Variants in AMZ1 observed in about 807,000 individuals in gnomAD.
AMZ1 encodes archaemetzincin-1.
Under a neutral mutation model 29.9 loss-of-function variants are expected in AMZ1, and 39 were observed. That is an observed-to-expected ratio of 1.30 (90% CI 1.01 to 1.70). The LOEUF is 1.70. Among genes scored for constraint, AMZ1 ranks in the 40% most tolerant of loss-of-function variants. AMZ1 has a pLI of 0.00. For missense variants in AMZ1, 1,041 were observed against 680.6 expected (o/e 1.53, Z -5.89); for synonymous variants, 458 against 304.0 (o/e 1.51, Z -5.27).
rs374215896 is a variant in AMZ1, at chr7:2,712,311, C to T, written c.949-19C>T. The stretch of plus-strand genomic sequence containing the variant: ...AGGGCTGGCACGGAGCAAACTCAGC[C>T]TGTGTTTCTCCCTCTTAGAGACTCT... On this transcript the variant is annotated intron_variant, in intron 6 of 6. Transcript: ENST00000683327. The T allele has an allele frequency of 1.6e-5, 25 of 1,537,240 alleles. No individual in the cohort carries two copies. The highest frequency in any genetic ancestry group is 2.7e-5 in the African/African-American group (2 of 72,836).
intron 6 of AMZ1, 144 bp from the exon 7 acceptor site, chr7:2,712,186 A>G: frequency 1.2e-6 from 1 of 836,528 alleles, no homozygotes; most frequent in Non-Finnish European, 1.8e-6. Context: ...GCTGGTCACA[A>G]GAGCCCTCAC....
intron 3 of AMZ1, among the ~76,000 whole-genome samples, chr7:2,703,396 C>G (rs1458477297): frequency 6.6e-6 from 1 of 152,226 alleles, no homozygotes; most frequent in Non-Finnish European, 1.5e-5. Flanking sequence ...CTGCCTCAGC[C>G]TCCCAAAGTG....
intron 4 of AMZ1, among the ~76,000 whole-genome samples, chr7:2,736,989 C>G (rs1250668591): frequency 6.6e-6 from 1 of 152,230 alleles, no homozygotes; most frequent in Non-Finnish European, 1.5e-5. Flanking sequence ...TCCTCTGCTC[C>G]TAATTGGAGC....
At chr7:2,692,456 C>G (rs562702445) in intron 1 of AMZ1, among the ~76,000 whole-genome samples, 1 of 152,104 alleles carries the variant, frequency 6.6e-6, no homozygotes, top group South Asian at 2.1e-4. Flanking sequence ...GCAGGAGAAT[C>G]GCTTTAACCC....
chr7:2,692,416 C>A (rs751429786), intron 1 of AMZ1, among the ~76,000 whole-genome samples: 2 of 152,198 alleles, frequency 1.3e-5, no homozygotes, highest in Non-Finnish European at 2.9e-5. Flanking sequence ...GTGGCGGGCG[C>A]CTTTAGTCCC....
In AMZ1 at chr7:2,694,791, G is replaced by C. The variant is rs962918926; in HGVS notation, c.-218-5443G>C. On this transcript the variant is annotated intron_variant, in intron 1 of 6. Transcript: ENST00000683327. ...GGATTCAAGCGATTCTCCTGCCTCA[G>C]CCTCCCGAGTAGCTGGGATTACAGG... is the stretch of plus-strand genomic sequence containing the variant. Among the ~76,000 whole-genome samples the C allele has an allele frequency of 5.9e-5, 9 of 151,984 alleles. 1 individual carries two copies. The highest frequency in any genetic ancestry group is 1.2e-4 in the Non-Finnish European group (8 of 67,976).
At chr7:2,739,856 G>C (rs1198181025) in intron 4 of AMZ1, among the ~76,000 whole-genome samples, 2 of 152,122 alleles carry the variant, frequency 1.3e-5, no homozygotes, top group African/African-American at 2.4e-5. Context: ...ATTTTTAGTA[G>C]AGACGGGGGT....
chr7:2,693,616 C>T (rs1040943596), intron 1 of AMZ1, among the ~76,000 whole-genome samples: 4 of 152,098 alleles, frequency 2.6e-5, no homozygotes, highest in Non-Finnish European at 4.4e-5. Flanking sequence ...AGTGCAGTGG[C>T]GCGATCTCCG....
intron 4 of AMZ1, among the ~76,000 whole-genome samples, chr7:2,738,054 T>C (rs886281566): frequency 5.3e-5 from 8 of 152,236 alleles, no homozygotes; most frequent in East Asian, 1.9e-4. Context: ...TTCATATACA[T>C]TAGAAAAAGG....
At chr7:2,696,433 A>G (rs1317068778) in intron 1 of AMZ1, among the ~76,000 whole-genome samples, 2 of 150,462 alleles carry the variant, frequency 1.3e-5, no homozygotes, top group East Asian at 2.0e-4. Context: ...ATTTTTTTGT[A>G]TTTTTAGTAG....
downstream of AMZ1, among the ~76,000 whole-genome samples, chr7:2,722,570 C>T (rs1789468335): frequency 6.6e-6 from 1 of 152,218 alleles, no homozygotes; most frequent in Non-Finnish European, 1.5e-5. Flanking sequence ...CGTGCCCAGC[C>T]AGGACATTTT....
chr7:2,755,977 A>C (rs1019890920), intron 4 of AMZ1, among the ~76,000 whole-genome samples: 3 of 152,244 alleles, frequency 2.0e-5, no homozygotes, highest in Non-Finnish European at 4.4e-5. Flanking sequence ...GCTCATTTTA[A>C]AATTTATCTC....
intron 1 of AMZ1, among the ~76,000 whole-genome samples, chr7:2,692,993 C>T (rs530757713): frequency 3.3e-4 from 51 of 152,332 alleles, no homozygotes; most frequent in Non-Finnish European, 6.6e-4. Flanking sequence ...CCGCTGCCTC[C>T]TTGCTCAGAG....
intron 1 of AMZ1, among the ~76,000 whole-genome samples, chr7:2,699,415 C>A (rs1179521568): frequency 6.6e-6 from 1 of 152,202 alleles, no homozygotes; most frequent in African/African-American, 2.4e-5. Flanking sequence ...TCCACTTCTC[C>A]CTGTTTCTAG....
chr7:2,727,284 G>A (rs1789661510), intron 4 of AMZ1, among the ~76,000 whole-genome samples: 1 of 152,108 alleles, frequency 6.6e-6, no homozygotes, highest in Non-Finnish European at 1.5e-5. Flanking sequence ...GTTTCACCAT[G>A]TTGGCCAGGA....
At chr7:2,721,879 CT>C (rs1419843222), downstream of AMZ1, among the ~76,000 whole-genome samples, 2 of 152,162 alleles carry the variant, frequency 1.3e-5, no homozygotes, top group Non-Finnish European at 2.9e-5. Flanking sequence ...ACATGTTAAA[CT>C]AACCACCGTG....
intron 3 of AMZ1, among the ~76,000 whole-genome samples, chr7:2,707,818 CTTTTTTTTT>C (rs60848680): frequency 6.3e-5 from 6 of 95,340 alleles, no homozygotes; most frequent in African/African-American, 1.8e-4. Context: ...CTAACGAGGG[CTTTTTTTTT>C]TTTTTTTTTT....
At chr7:2,762,690 T>G (rs1302643903), upstream of AMZ1, 1 of 1,581,132 alleles carries the variant, frequency 6.3e-7, no homozygotes, top group African/African-American at 1.3e-5. Context: ...GAAACCACGC[T>G]GCCCGGGTGG....
At chr7:2,703,059 C>T (rs931443435) in intron 3 of AMZ1, among the ~76,000 whole-genome samples, 170 bp downstream of exon 3, 6 of 152,218 alleles carry the variant, frequency 3.9e-5, no homozygotes, top group Non-Finnish European at 7.3e-5. Context: ...CTCCTTCTTC[C>T]CACCCAGGAG....
Sources: allele counts gnomAD v4.1 joint callset (sites outside exome capture counted in the v4.1 genomes callset), GRCh38; gene constraint gnomAD v4.1.1; transcripts MANE v1.5; gene names NCBI Gene and HGNC (gene_info 2026-07-23, HGNC 2026-07-21).